The following APP variants were observed in gnomAD, a reference collection of about 807,000 sequenced individuals.
APP encodes the protein amyloid beta precursor protein.
In APP, 31 loss-of-function variants were observed where a neutral mutation model predicts 101.4. The observed-to-expected ratio is 0.31, with a 90% CI of 0.23 to 0.41. The LOEUF is 0.41. Among genes scored for constraint, APP ranks in the 10% least tolerant of loss-of-function variants. The pLI, the probability that APP is intolerant of heterozygous loss-of-function variation, is 1.00. For synonymous variants in APP, 366 were observed against 364.4 expected, an observed-to-expected ratio of 1.00 and a Z score of -0.05; for missense variants, 839 against 1,003.7, an observed-to-expected ratio of 0.84 and a Z score of 2.22.
chr21:26,036,661 G>C (rs1185582272), intron 5 of APP, among the ~76,000 whole-genome samples: 1 of 152,210 alleles, frequency 6.6e-6, no homozygotes, highest in African/African-American at 2.4e-5. Context: ...ATTTGAGACA[G>C]AGAATGGAAC....
chr21:25,883,470 T>C (rs2037124442), intron 17 of APP, among the ~76,000 whole-genome samples: 2 of 148,596 alleles, frequency 1.3e-5, no homozygotes, highest in African/African-American at 5.0e-5. Context: ...GGCGGGTGGA[T>C]CACGAGGTCG....
At chr21:26,052,670 A>G (rs2045884995) in intron 4 of APP, among the ~76,000 whole-genome samples, 1 of 152,198 alleles carries the variant, frequency 6.6e-6, no homozygotes, top group African/African-American at 2.4e-5. Context: ...ATAAAACTGG[A>G]TGGTATAACT....
At chr21:26,104,860 G>C (rs183075589) in intron 2 of APP, among the ~76,000 whole-genome samples, 70 of 151,954 alleles carry the variant, frequency 4.6e-4, no homozygotes, top group Admixed American at 2.5e-3. Flanking sequence ...ACGGTGATGA[G>C]TTCTGTTGGT....
At chr21:26,101,864 T>C (rs1378640922) in intron 2 of APP, among the ~76,000 whole-genome samples, 1 of 152,186 alleles carries the variant, frequency 6.6e-6, no homozygotes, top group Non-Finnish European at 1.5e-5. Context: ...CTTCACAATT[T>C]AATTGTATTA....
At chr21:26,116,556 T>A (rs1477597357) in intron 1 of APP, among the ~76,000 whole-genome samples, 1 of 152,180 alleles carries the variant, frequency 6.6e-6, no homozygotes, top group Non-Finnish European at 1.5e-5. Flanking sequence ...AAAGTTTCTC[T>A]CTGTTATCAT....
At chr21:26,074,873 G>T (rs2061474278) in intron 3 of APP, among the ~76,000 whole-genome samples, 1 of 152,144 alleles carries the variant, frequency 6.6e-6, no homozygotes, top group African/African-American at 2.4e-5. Context: ...CTTTTTACTA[G>T]ACATGTGTAG....
intron 17 of APP, among the ~76,000 whole-genome samples, chr21:25,887,555 T>C (rs1601277417): frequency 6.8e-6 from 1 of 146,500 alleles, no homozygotes; most frequent in Non-Finnish European, 1.5e-5. Flanking sequence ...AACTAGCAAG[T>C]GCTCATTTCC....
At chr21:26,021,778 A>G (rs371115391) in intron 6 of APP, 62 bp downstream of exon 6, 1 of 1,595,266 alleles carries the variant, frequency 6.3e-7, no homozygotes, top group African/African-American at 1.3e-5. Context: ...GATATTTCCA[A>G]CTCTGGTATT....
At chr21:26,040,761 AAAAC>A (rs74534911) in intron 5 of APP, among the ~76,000 whole-genome samples, 3,852 of 150,010 alleles carry the variant, frequency 0.026, 146 homozygotes, top group African/African-American at 0.087. Flanking sequence ...ACTCTATCTC[AAAAC>A]AAACAAACAA....
At chr21:25,976,985 T>A (rs1285949570) in intron 9 of APP, among the ~76,000 whole-genome samples, 1 of 152,202 alleles carries the variant, frequency 6.6e-6, no homozygotes. Context: ...GCCAGCACCA[T>A]GTTCTTGGAC....
At chr21:25,998,074 T>A (rs2043124998) in intron 7 of APP, among the ~76,000 whole-genome samples, 1 of 152,124 alleles carries the variant, frequency 6.6e-6, no homozygotes, top group Non-Finnish European at 1.5e-5. Flanking sequence ...GTGGAGAGAA[T>A]TTTAATCTCT....
intron 13 of APP, chr21:25,942,920 A>C (rs2040638560): frequency 6.6e-6 from 1 of 152,078 alleles, no homozygotes; most frequent in Non-Finnish European, 1.5e-5. Context: ...AATATTGCCA[A>C]ATTGAACCTC....
chr21:26,047,183 C>T (rs2045646256), intron 5 of APP, among the ~76,000 whole-genome samples: 1 of 152,106 alleles, frequency 6.6e-6, no homozygotes, highest in Non-Finnish European at 1.5e-5. Context: ...CAGAGCTCAT[C>T]CTACAAGGAA....
intron 1 of APP, among the ~76,000 whole-genome samples, chr21:26,155,149 G>A (rs1292432269): frequency 1.3e-5 from 2 of 152,154 alleles, no homozygotes; most frequent in Non-Finnish European, 2.9e-5. Context: ...TACTCAGGAG[G>A]CTGAGGCAGG....
intron 3 of APP, among the ~76,000 whole-genome samples, chr21:26,062,359 C>T (rs898645707): frequency 5.3e-4 from 80 of 151,568 alleles, no homozygotes; most frequent in African/African-American, 1.6e-3. Flanking sequence ...AAAAAAACCA[C>T]GGGAACAAAA....
chr21:25,984,049 C>T (rs1350515270), intron 8 of APP, among the ~76,000 whole-genome samples: 1 of 152,130 alleles, frequency 6.6e-6, no homozygotes, highest in Non-Finnish European at 1.5e-5. Flanking sequence ...AGATACCATA[C>T]CACATGTAAG....
At chr21:26,082,700 C>T (rs550988021) in intron 3 of APP, among the ~76,000 whole-genome samples, 2 of 152,264 alleles carry the variant, frequency 1.3e-5, no homozygotes, top group South Asian at 4.1e-4. Flanking sequence ...TCTTGGCTCA[C>T]AATGCTACTT....
intron 6 of APP, among the ~76,000 whole-genome samples, chr21:26,016,602 C>T (rs987978918): frequency 7.9e-5 from 12 of 152,020 alleles, no homozygotes; most frequent in East Asian, 7.8e-4. Context: ...GACGAAGTTT[C>T]GCTCTGTTGC....
chr21:25,949,567 G>A (rs1385109828), intron 13 of APP, among the ~76,000 whole-genome samples: 1 of 152,130 alleles, frequency 6.6e-6, no homozygotes, highest in Non-Finnish European at 1.5e-5. Context: ...AAGTTAAGGA[G>A]CATCTGCCTT....
Sources: allele counts gnomAD v4.1 joint callset (sites outside exome capture counted in the v4.1 genomes callset), GRCh38; gene constraint gnomAD v4.1.1; transcripts MANE v1.5; gene names NCBI Gene and HGNC (gene_info 2026-07-23, HGNC 2026-07-21).